PEAK1: variants seen among roughly 807,000 people sequenced by gnomAD.
PEAK1 encodes the protein inactive tyrosine-protein kinase PEAK1.
Under a neutral mutation model 124.7 loss-of-function variants are expected in PEAK1, and 54 were observed. That is an observed-to-expected ratio of 0.43 (90% CI 0.35 to 0.54). The LOEUF (loss-of-function observed/expected upper bound fraction) is 0.54, where lower values mean the gene tolerates loss of function less well. Ranked by LOEUF, PEAK1 falls within the 20% of genes least tolerant of loss-of-function variation. The pLI, the probability that PEAK1 is intolerant of heterozygous loss-of-function variation, is 0.01. For synonymous variants in PEAK1, 719 were observed against 760.0 expected (o/e 0.95, Z 0.89); for missense variants, 2,046 against 2,134.5 (o/e 0.96, Z 0.82).
chr15:77,412,322 T>C (rs2072480539), intron 1 of PEAK1, among the ~76,000 whole-genome samples: 1 of 152,208 alleles, frequency 6.6e-6, no homozygotes. Flanking sequence ...ATTAGACATC[T>C]CAAAAACTTA....
chr15:77,296,820 T>A (rs2063510400), intron 2 of PEAK1, among the ~76,000 whole-genome samples: 1 of 151,198 alleles, frequency 6.6e-6, no homozygotes, highest in African/African-American at 2.5e-5. Flanking sequence ...ACTGAAAAAT[T>A]AAGAAAATAT....
intron 1 of PEAK1, among the ~76,000 whole-genome samples, chr15:77,408,074 CATAT>C (rs1223868235): frequency 7.9e-6 from 1 of 126,472 alleles, no homozygotes; most frequent in Non-Finnish European, 1.8e-5. Context: ...CACATATATA[CATAT>C]ATACACATAT....
intron 8 of PEAK1, among the ~76,000 whole-genome samples, chr15:77,152,019 G>A (rs973225629): frequency 6.6e-6 from 1 of 152,126 alleles, no homozygotes; most frequent in Non-Finnish European, 1.5e-5. Flanking sequence ...TTCCAATTCT[G>A]TGAAGAAAGT....
At chr15:77,253,846 T>C (rs1026454554) in intron 5 of PEAK1, among the ~76,000 whole-genome samples, 7 of 152,182 alleles carry the variant, frequency 4.6e-5, no homozygotes, top group African/African-American at 7.2e-5. Flanking sequence ...TTTTTTGAGA[T>C]AGAGTTTTGC....
At chr15:77,137,059 A>G (rs1454338933) in intron 8 of PEAK1, among the ~76,000 whole-genome samples, 4 of 152,244 alleles carry the variant, frequency 2.6e-5, no homozygotes, top group African/African-American at 9.6e-5. Flanking sequence ...GCAAGCCCCA[A>G]GCCTTGGCAG....
chr15:77,115,059 C>G lies in PEAK1; in HGVS notation c.4338G>C (p.Glu1446Asp). The change falls in exon 10 of 10, where the codon GAG becomes GAC. Residue 1446 changes from glutamate to aspartate, a missense_variant. By Grantham distance (45) the Glu-to-Asp change is conservative. Coordinates refer to ENST00000682557, the MANE Select transcript of PEAK1 (RefSeq NM_001385026.1). ...PCSEAASSQK[E>D]NQGVMSKKQR... The stretch of plus-strand genomic sequence containing the variant: ...GCTTCTTGCTCATGACTCCCTGATT[C>G]TCTTTCTGGGATGATGCTGCTTCAG... 6.2e-7 allele frequency: 1 copy of G among 1,614,152 alleles called. No individual in the cohort carries two copies. The highest frequency in any genetic ancestry group is 8.5e-7 in the Non-Finnish European group (1 of 1,180,028).
chr15:77,157,352 T>A (rs1481403235), intron 8 of PEAK1: 1 of 152,252 alleles, frequency 6.6e-6, no homozygotes, highest in African/African-American at 2.4e-5. Flanking sequence ...GCTACTCACC[T>A]CTCTCCTGAC....
At chr15:77,218,524 A>C (rs2059246846) in intron 6 of PEAK1, among the ~76,000 whole-genome samples, 1 of 152,020 alleles carries the variant, frequency 6.6e-6, no homozygotes, top group Admixed American at 6.6e-5. Flanking sequence ...CATTTTGTTA[A>C]GGAATTATGC....
chr15:77,239,022 T>C (rs2060244132), intron 6 of PEAK1, among the ~76,000 whole-genome samples: 1 of 152,160 alleles, frequency 6.6e-6, no homozygotes, highest in East Asian at 1.9e-4. Flanking sequence ...CCTATCACAG[T>C]TGTATTTAAT....
At chr15:77,363,925 C>A (rs762242901) in intron 2 of PEAK1, among the ~76,000 whole-genome samples, 8 of 151,970 alleles carry the variant, frequency 5.3e-5, no homozygotes, top group Non-Finnish European at 1.2e-4. Flanking sequence ...AAAGGCCAGG[C>A]AGGTGGCTCA....
chr15:77,375,049 C>T (rs551116626), intron 1 of PEAK1, among the ~76,000 whole-genome samples: 1 of 152,130 alleles, frequency 6.6e-6, no homozygotes, highest in Non-Finnish European at 1.5e-5. Flanking sequence ...TCCCACTAAT[C>T]TTAAATTAAA....
At chr15:77,226,666 C>G (rs2059691170) in intron 6 of PEAK1, among the ~76,000 whole-genome samples, 1 of 152,092 alleles carries the variant, frequency 6.6e-6, no homozygotes, top group Non-Finnish European at 1.5e-5. Flanking sequence ...GCATACTCTT[C>G]TGGATGCAGA....
At position 77,418,406 on chromosome 15, in the gene PEAK1, T is replaced by C. The variant is rs932417103; in HGVS notation, c.-666+1600A>G. On this transcript the variant is annotated intron_variant, in intron 1 of 9. Coordinates refer to ENST00000682557, the MANE Select transcript of PEAK1 (RefSeq NM_001385026.1). ...CAAAATAAAGACATGATAAAATATTTCCCTTTCCCCCCCGACAGCAATGAA... is the reference window on the plus strand; with the variant it reads ...CAAAATAAAGACATGATAAAATATTCCCCTTTCCCCCCCGACAGCAATGAA... 3.0e-6 allele frequency: 3 copies of C among 985,230 alleles called. No homozygotes were observed. In the African/African-American group the frequency reaches 5.2e-5, roughly 17 times the overall value. 61.0% of individuals were successfully genotyped at this position (985,230 alleles called of 1,614,324 possible).
chr15:77,180,777 C>G lies in PEAK1; in HGVS notation c.1150G>C (p.Glu384Gln). 1.9e-6 allele frequency: 3 copies of G among 1,613,998 alleles called. No individual in the cohort carries two copies. Among genetic ancestry groups the G allele is most frequent in the Non-Finnish European group, 2.5e-6 (3 of 1,179,974 alleles). The change falls in exon 7 of 10, where the codon GAG (glutamate) becomes CAG (glutamine). Residue 384 changes from glutamate to glutamine, a missense_variant. By Grantham distance (29) the Glu-to-Gln change is conservative (BLOSUM62 2). Coordinates refer to ENST00000682557, the MANE Select transcript of PEAK1 (RefSeq NM_001385026.1). The stretch of plus-strand genomic sequence containing the variant: ...CTAGAGGGACTTTCATAATTGGGCT[C>G]AATTTCCTTCATGTCCTTAGAATCT... ...PGDSKDMKEI[E>Q]PNYESPSSNN...
At chr15:77,237,643 TCTA>T (rs1188452819) in intron 6 of PEAK1, among the ~76,000 whole-genome samples, 7 of 152,126 alleles carry the variant, frequency 4.6e-5, no homozygotes, top group African/African-American at 1.7e-4. Context: ...TTTATTTTTT[TCTA>T]CTTTGTTCTG....
chr15:77,293,473 C>G (rs2063328381), intron 2 of PEAK1, among the ~76,000 whole-genome samples: 1 of 152,180 alleles, frequency 6.6e-6, no homozygotes, highest in South Asian at 2.1e-4. Flanking sequence ...TTAAAAAACC[C>G]TTTACACATG....
chr15:77,352,907 T>C (rs1421191492), intron 2 of PEAK1: 6 of 985,394 alleles, frequency 6.1e-6, no homozygotes, highest in Non-Finnish European at 7.2e-6. Flanking sequence ...AAGGCACATA[T>C]TTGCTATACA....
chr15:77,323,231 G>C (rs902129965), intron 2 of PEAK1, among the ~76,000 whole-genome samples: 1 of 152,166 alleles, frequency 6.6e-6, no homozygotes, highest in African/African-American at 2.4e-5. Context: ...ACAAGACAGG[G>C]ATGCCCTCTC....
At chr15:77,205,143 T>C (rs1303617864) in intron 6 of PEAK1, 2 of 278,730 alleles carry the variant, frequency 7.2e-6, no homozygotes, top group Non-Finnish European at 1.3e-5. Flanking sequence ...TTTCTCTTCT[T>C]GTACAATTCA....
Sources: gnomAD v4.1 joint callset for allele counts (sites outside exome capture counted in the v4.1 genomes callset) on GRCh38, gnomAD v4.1.1 for gene constraint, MANE v1.5 for transcripts, NCBI Gene and HGNC (gene_info 2026-07-23, HGNC 2026-07-21) for gene names.